ARHGAP21: variants seen among roughly 807,000 people sequenced by gnomAD.
ARHGAP21 encodes Rho GTPase activating protein 21.
A neutral mutation model predicts 164.6 loss-of-function variants in ARHGAP21; 38 were observed. The ratio of observed to expected loss-of-function variants is 0.23; its 90% CI spans 0.18 to 0.30. The LOEUF (loss-of-function observed/expected upper bound fraction) is 0.30. Among genes scored for constraint, ARHGAP21 ranks in the 10% least tolerant of loss-of-function variants. ARHGAP21 has a pLI of 1.00. For synonymous variants in ARHGAP21, 766 were observed against 857.9 expected, an observed-to-expected ratio of 0.89 and a Z score of 1.87; for missense variants, 1,822 against 2,370.7, an observed-to-expected ratio of 0.77 and a Z score of 4.81.
intron 3 of ARHGAP21, among the ~76,000 whole-genome samples, chr10:24,668,398 T>C (rs1840393054): frequency 6.6e-6 from 1 of 152,220 alleles, no homozygotes; most frequent in South Asian, 2.1e-4. Context: ...GCCTGTTCGA[T>C]TCACAGGTGT....
intron 2 of ARHGAP21, 146 bp downstream of exon 2, chr10:24,721,691 C>T (rs1012088028): frequency 2.4e-6 from 2 of 819,392 alleles, no homozygotes; most frequent in Non-Finnish European, 4.0e-6. Flanking sequence ...CTCCTCGCTA[C>T]TGGTTAAGCT....
intron 21 of ARHGAP21, among the ~76,000 whole-genome samples, 186 bp from the exon 22 acceptor site, chr10:24,592,198 C>T (rs1166378907): frequency 3.9e-5 from 5 of 128,238 alleles, no homozygotes; most frequent in East Asian, 2.3e-4. Flanking sequence ...CAGGGTCTCA[C>T]GTTCACCCAG....
chr10:24,597,627 CTCTA>C (rs2076640159), intron 15 of ARHGAP21, 44 bp from the exon 16 acceptor site: 1 of 1,607,204 alleles, frequency 6.2e-7, no homozygotes, highest in Non-Finnish European at 8.5e-7. Context: ...AGTAATCCCC[CTCTA>C]TCTATGGTTT....
chr10:24,655,122 A>C (rs1430727403), intron 4 of ARHGAP21, among the ~76,000 whole-genome samples: 1 of 152,258 alleles, frequency 6.6e-6, no homozygotes, highest in African/African-American at 2.4e-5. Flanking sequence ...AATTAATTCA[A>C]CATGGATTAA....
chr10:24,713,822 G>T (rs192260906), intron 2 of ARHGAP21, among the ~76,000 whole-genome samples: 2 of 151,880 alleles, frequency 1.3e-5, no homozygotes, highest in East Asian at 3.9e-4. Flanking sequence ...TTGTCTTTTG[G>T]ATTATTTGAG....
intron 6 of ARHGAP21, among the ~76,000 whole-genome samples, chr10:24,631,307 TG>T (rs1245665282): frequency 3.3e-5 from 5 of 152,166 alleles, no homozygotes; most frequent in African/African-American, 1.2e-4. Flanking sequence ...GACATTGCAG[TG>T]AGCTGAGATC....
intron 13 of ARHGAP21, 122 bp downstream of exon 13, chr10:24,601,856 T>C (rs1422066484): frequency 4.2e-6 from 5 of 1,194,554 alleles, no homozygotes; most frequent in African/African-American, 1.6e-5. Flanking sequence ...AATCTATTTA[T>C]AAATGGTTTT....
At chr10:24,590,997 A>T in intron 24 of ARHGAP21, 1 of 844,024 alleles carries the variant, frequency 1.2e-6, no homozygotes, top group Non-Finnish European at 1.4e-6. Flanking sequence ...TTTCCCTCAT[A>T]GTTCCATTCT....
At chr10:24,604,246 T>C in intron 12 of ARHGAP21, 66 bp downstream of exon 12, 2 of 1,069,688 alleles carry the variant, frequency 1.9e-6, no homozygotes, top group South Asian at 1.9e-5. Flanking sequence ...AAATGTCTAC[T>C]GGGTAAAAGA....
intron 22 of ARHGAP21, 69 bp downstream of exon 22, chr10:24,591,818 G>A: frequency 6.3e-7 from 1 of 1,591,196 alleles, no homozygotes; most frequent in Admixed American, 1.8e-5. Context: ...CCAAATAGCG[G>A]CTGCCCGTGA....
intron 14 of ARHGAP21, among the ~76,000 whole-genome samples, chr10:24,599,861 C>T (rs776911426): frequency 6.6e-6 from 1 of 152,128 alleles, no homozygotes; most frequent in African/African-American, 2.4e-5. Flanking sequence ...GGGCCGGGCG[C>T]GGTGGCTCAC....
chr10:24,633,453 T>G lies in ARHGAP21; in HGVS notation c.389A>C (p.Glu130Ala). 1 of 1,611,564 alleles carries G rather than the reference T, an allele frequency of 6.2e-7. No individual in the cohort carries two copies. The highest frequency in any genetic ancestry group is 8.5e-7 in the Non-Finnish European group (1 of 1,178,830). Residue 130 changes from glutamate (E) to alanine (A), a missense_variant, in exon 6 of 26, where the codon GAA becomes GCA. By Grantham distance (107) the Glu-to-Ala change is moderately radical (BLOSUM62 -1). Coordinates refer to ENST00000396432, the MANE Select transcript of ARHGAP21 (RefSeq NM_020824.4). Reference protein sequence around the residue: ...TGDRIIKVNGESVIGKTYSQV... With the variant: ...TGDRIIKVNGASVIGKTYSQV... ...GGAATAGGTTTTGCCAATAACACTT[T>G]CTCCATTGACTTTTATAATTCGGTC...
chr10:24,670,342 T>C lies in ARHGAP21; in HGVS notation c.119A>G (p.Asp40Gly). 2 of 1,609,758 alleles carry C rather than the reference T, an allele frequency of 1.2e-6. No homozygotes were observed. Among genetic ancestry groups the C allele is most frequent in the Non-Finnish European group, 1.7e-6 (2 of 1,177,398 alleles). The change falls in exon 3 of 26, where the codon GAT (aspartate) becomes GGT (glycine). Residue 40 changes from aspartate to glycine, a missense_variant. By Grantham distance (94) the Asp-to-Gly change is moderately conservative. Coordinates refer to ENST00000396432, the MANE Select transcript of ARHGAP21 (RefSeq NM_020824.4). ...EQSETVSLSEDETFSWPGPKT... is the reference protein window; with the variant it reads ...EQSETVSLSEGETFSWPGPKT... Reference sequence around the variant, plus strand: ...GGGACCTGGCCAGGAGAATGTTTCATCTTCAGACAGTGATACAGTTTCACT... The same window carrying C: ...GGGACCTGGCCAGGAGAATGTTTCACCTTCAGACAGTGATACAGTTTCACT...
chr10:24,589,222 G>A (rs199832079), intron 25 of ARHGAP21, 49 bp downstream of exon 25: 8 of 1,528,450 alleles, frequency 5.2e-6, no homozygotes, highest in African/African-American at 2.7e-5. Flanking sequence ...ACAATCAGCC[G>A]AAAAACAATT....
chr10:24,595,873 A>C lies in ARHGAP21; in HGVS notation c.3633+15T>G, dbSNP rs2076559842. ...GGGAAAAAAAAGGATCAGTTATTCAAATAAGCAAACTTACATCATCTTGTA... is the reference window on the plus strand; with the variant it reads ...GGGAAAAAAAAGGATCAGTTATTCACATAAGCAAACTTACATCATCTTGTA... On this transcript the variant is annotated intron_variant, in intron 18 of 25. Transcript: ENST00000396432. 1 of 1,611,704 alleles carries C rather than the reference A, an allele frequency of 6.2e-7. No individual in the cohort carries two copies. The highest frequency in any genetic ancestry group is 1.3e-5 in the African/African-American group (1 of 74,904).
At chr10:24,706,649 AGCAG>A (rs1288644422) in intron 2 of ARHGAP21, 8 of 152,594 alleles carry the variant, frequency 5.2e-5, no homozygotes, top group African/African-American at 1.9e-4. Flanking sequence ...CTGTCAGCAG[AGCAG>A]CGGGGTTACG....
At chr10:24,668,155 G>A (rs956260626) in intron 3 of ARHGAP21, among the ~76,000 whole-genome samples, 1 of 152,194 alleles carries the variant, frequency 6.6e-6, no homozygotes, top group Non-Finnish European at 1.5e-5. Context: ...GATCTAACAG[G>A]AGGCAGAAAT....
chr10:24,614,782 CAA>C (rs34148464), intron 9 of ARHGAP21, among the ~76,000 whole-genome samples: 7 of 110,120 alleles, frequency 6.4e-5, no homozygotes, highest in Non-Finnish European at 7.4e-5. Flanking sequence ...GACTCCATCT[CAA>C]AAAAAAAAAA....
intron 2 of ARHGAP21, among the ~76,000 whole-genome samples, chr10:24,675,094 A>G (rs1279925649): frequency 6.6e-6 from 1 of 152,230 alleles, no homozygotes; most frequent in Non-Finnish European, 1.5e-5. Flanking sequence ...AATTGAAAGC[A>G]TACGTCAACA....
Sources: gnomAD v4.1 joint callset for allele counts (sites outside exome capture counted in the v4.1 genomes callset) on GRCh38, gnomAD v4.1.1 for gene constraint, MANE v1.5 for transcripts, NCBI Gene and HGNC (gene_info 2026-07-23, HGNC 2026-07-21) for gene names.